WNK2: variants seen among roughly 807,000 people sequenced by gnomAD.
The protein encoded by WNK2 is WNK lysine deficient protein kinase 2.
In WNK2, 67 loss-of-function variants were observed where a neutral mutation model predicts 192.1. The observed-to-expected ratio is 0.35, with a 90% CI of 0.29 to 0.43. The LOEUF (loss-of-function observed/expected upper bound fraction) is 0.43, where lower values mean the gene tolerates loss of function less well. Among genes scored for constraint, WNK2 ranks in the 20% least tolerant of loss-of-function variants. WNK2 has a pLI of 1.00. For synonymous variants in WNK2, 1,439 were observed against 1,393.9 expected (o/e 1.03, Z -0.72); for missense variants, 2,698 against 3,089.7 (o/e 0.87, Z 3.01).
chr9:93,186,026 G>A (rs984310731), intron 2 of WNK2, among the ~76,000 whole-genome samples: 1 of 152,176 alleles, frequency 6.6e-6, no homozygotes, highest in Non-Finnish European at 1.5e-5. Flanking sequence ...AGGCTTCAAG[G>A]CCCGGTGTGT....
At chr9:93,319,267 C>A (rs1855227290) in intron 29 of WNK2, 1 of 1,528,772 alleles carries the variant, frequency 6.5e-7, no homozygotes, top group Admixed American at 1.9e-5. Context: ...AAGCAACCAG[C>A]CTCCTAGGGA....
At chr9:93,305,676 T>G (rs1052773296) in intron 26 of WNK2, among the ~76,000 whole-genome samples, 3 of 150,938 alleles carry the variant, frequency 2.0e-5, no homozygotes, top group Non-Finnish European at 2.9e-5. Flanking sequence ...TTGCCCGCTG[T>G]CCCCCGAGGC....
At chr9:93,269,480 GA>G (rs1845716164) in intron 19 of WNK2, among the ~76,000 whole-genome samples, 1 of 152,188 alleles carries the variant, frequency 6.6e-6, no homozygotes, top group Admixed American at 6.5e-5. Context: ...TCCCATGGGG[GA>G]CAGGTCAGCC....
At chr9:93,231,145 ATGAGAAGC>A (rs748245778) in intron 4 of WNK2, 37 bp downstream of exon 4, 37 of 1,597,952 alleles carry the variant, frequency 2.3e-5, no homozygotes, top group Admixed American at 3.3e-5. Context: ...CTTGGAGCCC[ATGAGAAGC>A]TGGGCAGCAG....
At chr9:93,201,840 G>T (rs1832414204) in intron 2 of WNK2, among the ~76,000 whole-genome samples, 1 of 152,252 alleles carries the variant, frequency 6.6e-6, no homozygotes, top group Non-Finnish European at 1.5e-5. Flanking sequence ...GCGAGATGGT[G>T]ACATTGGAAC....
chr9:93,256,503 C>A, intron 10 of WNK2, 49 bp downstream of exon 10: 1 of 1,459,362 alleles, frequency 6.9e-7, no homozygotes, highest in Non-Finnish European at 9.0e-7. Context: ...CAGGCAGTCA[C>A]CTGTGCTGGC....
At chr9:93,236,771 T>C (rs530224347) in intron 5 of WNK2, among the ~76,000 whole-genome samples, 1 of 152,210 alleles carries the variant, frequency 6.6e-6, no homozygotes, top group Non-Finnish European at 1.5e-5. Flanking sequence ...CCACAAATAG[T>C]GCTCCTGCAC....
intron 10 of WNK2, 187 bp from the exon 11 acceptor site, chr9:93,256,761 T>C (rs1395564475): frequency 1.4e-6 from 1 of 693,202 alleles, no homozygotes; most frequent in East Asian, 2.9e-5. Context: ...GGCTGGAGTT[T>C]GGTGATCTGT....
chr9:93,251,475 A>C (rs1440472115), intron 8 of WNK2, among the ~76,000 whole-genome samples: 1 of 152,112 alleles, frequency 6.6e-6, no homozygotes, highest in African/African-American at 2.4e-5. Context: ...TTTGGGAGTC[A>C]AAGGTGCGTG....
intron 3 of WNK2, 50 bp from the exon 4 acceptor site, chr9:93,230,838 G>T: frequency 6.5e-7 from 1 of 1,550,050 alleles, no homozygotes; most frequent in Non-Finnish European, 8.8e-7. Flanking sequence ...TTTGCTAGGG[G>T]GCCGCTGCCG....
At chr9:93,299,879 G>A (rs900054811) in intron 25 of WNK2, among the ~76,000 whole-genome samples, 172 bp from the exon 26 acceptor site, 2 of 114,464 alleles carry the variant, frequency 1.7e-5, no homozygotes, top group Admixed American at 2.7e-4. Flanking sequence ...CTGCTCTCCC[G>A]CTGCCTCCTT....
intron 21 of WNK2, among the ~76,000 whole-genome samples, chr9:93,291,811 C>T (rs879819694): frequency 7.9e-5 from 12 of 152,164 alleles, no homozygotes; most frequent in Admixed American, 1.3e-4. Flanking sequence ...TGCCTCTTTA[C>T]GGCAACCCTG....
At chr9:93,293,509 G>A (rs188439101) in intron 23 of WNK2, among the ~76,000 whole-genome samples, 8 of 152,068 alleles carry the variant, frequency 5.3e-5, no homozygotes, top group Non-Finnish European at 7.4e-5. Flanking sequence ...TAGTAGAGAC[G>A]GGGTTTCACC....
At chr9:93,283,962 C>T (rs1057336496) in intron 19 of WNK2, among the ~76,000 whole-genome samples, 3 of 152,150 alleles carry the variant, frequency 2.0e-5, no homozygotes, top group African/African-American at 7.2e-5. Flanking sequence ...TGGACTCACT[C>T]AAATGTTAGG....
intron 11 of WNK2, among the ~76,000 whole-genome samples, chr9:93,258,362 G>T (rs1843653976): frequency 6.6e-6 from 1 of 152,228 alleles, no homozygotes; most frequent in African/African-American, 2.4e-5. Flanking sequence ...CCCTGAGCCA[G>T]CCAAGGTGGC....
At chr9:93,261,755 G>A (rs754349748) in intron 12 of WNK2, 59 bp from the exon 13 acceptor site, 113 of 1,535,092 alleles carry the variant, frequency 7.4e-5, no homozygotes, top group Non-Finnish European at 9.2e-5. Context: ...ACCTGGGCAC[G>A]GCCCCCTCAG....
rs969567232 is a variant in WNK2 at position 93,288,991 on chromosome 9, A to G, written c.4237A>G (p.Thr1413Ala). Residue 1413 changes from threonine (T) to alanine (A), a missense_variant, in exon 20 of 30, where the codon ACT becomes GCT. This residue lies in a region of WNK2 where 1,098 missense variants were observed against 1,101.0 expected (regional missense o/e 1.00). Coordinates refer to ENST00000427277, the MANE Select transcript of WNK2 (RefSeq NM_006648.4). ...TSTMPEPASG[T>A]ASQAGGPGTP... ...CACCATGCCAGAGCCAGCGTCAGGA[A>G]CTGCCAGCCAGGCAGGGGGTCCAGG... 2 of 1,601,886 alleles carry G rather than the reference A, an allele frequency of 1.2e-6. No individual in the cohort carries two copies. Among genetic ancestry groups the G allele is most frequent in the African/African-American group, 2.7e-5 (2 of 74,688 alleles).
chr9:93,244,251 C>A (rs566521345), intron 7 of WNK2, among the ~76,000 whole-genome samples: 1 of 152,164 alleles, frequency 6.6e-6, no homozygotes, highest in Admixed American at 6.5e-5. Flanking sequence ...AAGTTCCACT[C>A]GGCAGATGGA....
intron 2 of WNK2, among the ~76,000 whole-genome samples, chr9:93,202,336 GT>G (rs1832564328): frequency 7.2e-6 from 1 of 138,308 alleles, no homozygotes; most frequent in African/African-American, 2.5e-5. Context: ...GTGTGTGTGT[GT>G]GTGTGTGTGT....
Sources: gnomAD v4.1 joint callset for allele counts (sites outside exome capture counted in the v4.1 genomes callset) on GRCh38, gnomAD v4.1.1 for gene constraint, gnomAD v4.1.1 regional missense constraint, MANE v1.5 for transcripts, NCBI Gene and HGNC (gene_info 2026-07-23, HGNC 2026-07-21) for gene names.